Variants in SLC35D1 observed in about 807,000 individuals in gnomAD.
SLC35D1 encodes the protein nucleotide sugar transporter SLC35D1.
SLC35D1 carries 31 observed loss-of-function variants against 46.7 expected under a neutral mutation model. That is an observed-to-expected ratio of 0.66 (90% CI 0.50 to 0.90). The LOEUF is 0.90. Among genes scored for constraint, SLC35D1 ranks in the 40% least tolerant of loss-of-function variants. SLC35D1 has a pLI of 0.00. For synonymous variants in SLC35D1, 195 were observed against 164.6 expected (o/e 1.18, Z -1.41); for missense variants, 397 against 426.2 (o/e 0.93, Z 0.60).
intron 8 of SLC35D1, among the ~76,000 whole-genome samples, chr1:67,030,373 C>T (rs1667993516): frequency 6.6e-6 from 1 of 152,114 alleles, no homozygotes; most frequent in Non-Finnish European, 1.5e-5. Context: ...TCTTTTATCC[C>T]AAAGTCATTA....
chr1:67,031,872 C>T (rs781324650), intron 8 of SLC35D1, among the ~76,000 whole-genome samples: 6 of 152,020 alleles, frequency 3.9e-5, no homozygotes, highest in African/African-American at 7.2e-5. Context: ...GATTTGCAAG[C>T]GAATTTTTTA....
the SLC35D1 span, among the ~76,000 whole-genome samples, chr1:66,981,217 A>G: frequency 2.0e-5 from 3 of 152,304 alleles, no homozygotes; most frequent in Admixed American, 1.3e-4. Flanking sequence ...TAGAGAAGAA[A>G]TGAGCTCACA....
chr1:67,021,237 T>C (rs560822128), intron 9 of SLC35D1, among the ~76,000 whole-genome samples: 1 of 152,358 alleles, frequency 6.6e-6, no homozygotes, highest in Non-Finnish European at 1.5e-5. Flanking sequence ...ACTAAAGTTC[T>C]ATCTGTCAAA....
At chr1:67,008,933 T>C (rs1015515839) in intron 11 of SLC35D1, 152 bp downstream of exon 11, 1 of 479,434 alleles carries the variant, frequency 2.1e-6, no homozygotes, top group South Asian at 2.4e-5. Flanking sequence ...AAAAGCATTA[T>C]GTAGAGACAT....
downstream of SLC35D1, among the ~76,000 whole-genome samples, chr1:66,994,631 G>A (rs376189776): frequency 2.0e-5 from 3 of 148,482 alleles, no homozygotes; most frequent in Admixed American, 6.7e-5. Flanking sequence ...GCGACAGAGC[G>A]AGACTCTGTC....
At chr1:67,004,516 T>G in intron 11 of SLC35D1, 68 bp from the exon 12 acceptor site, 2 of 1,371,696 alleles carry the variant, frequency 1.5e-6, no homozygotes, top group Admixed American at 3.5e-5. Context: ...CTCTACTCAG[T>G]AAAAAAACTT....
intron 10 of SLC35D1, among the ~76,000 whole-genome samples, chr1:67,018,643 G>C (rs1195867022): frequency 6.6e-6 from 1 of 152,122 alleles, no homozygotes; most frequent in Non-Finnish European, 1.5e-5. Context: ...GTAGGCCTTG[G>C]AATTTCTACT....
At chr1:67,050,716 CATTAA>C (rs1047294099) in intron 4 of SLC35D1, among the ~76,000 whole-genome samples, 3 of 152,104 alleles carry the variant, frequency 2.0e-5, no homozygotes, top group African/African-American at 4.8e-5. Context: ...AAGTGAGAAA[CATTAA>C]ATTAACTACA....
At chr1:66,984,840 A>C in the SLC35D1 span, 17 of 1,609,598 alleles carry the variant, frequency 1.1e-5, no homozygotes, top group Non-Finnish European at 1.3e-5. Flanking sequence ...GTTCTTCTGA[A>C]TTTTTCCAAG....
chr1:67,009,078 T>C lies in SLC35D1; in HGVS notation c.959+7A>G. On this transcript the variant is annotated splice_region_variant and intron_variant, in intron 11 of 11. Transcript: ENST00000235345. ...ATTTTGCAATTTAATTAAATATTTTTACTTACCTGATATTTAAACCAATGA... is the reference window on the plus strand; with the variant it reads ...ATTTTGCAATTTAATTAAATATTTTCACTTACCTGATATTTAAACCAATGA... The C allele has an allele frequency of 7.3e-7, 1 of 1,365,136 alleles. No homozygotes were observed. The highest frequency in any genetic ancestry group is 1.0e-6 in the Non-Finnish European group (1 of 957,446). 84.6% of individuals were successfully genotyped at this position (1,365,136 alleles called of 1,614,324 possible).
chr1:66,976,823 A>G, the SLC35D1 span: 1,731 of 1,037,524 alleles, frequency 1.7e-3, 6 homozygotes, highest in Non-Finnish European at 1.4e-3. Flanking sequence ...GCTTTTATAT[A>G]CTTGATCTTA....
At chr1:67,030,423 C>A (rs1452983323) in intron 8 of SLC35D1, among the ~76,000 whole-genome samples, 1 of 152,114 alleles carries the variant, frequency 6.6e-6, no homozygotes, top group Admixed American at 6.6e-5. Flanking sequence ...AATGATAATT[C>A]TCTGAACCTT....
the SLC35D1 span, among the ~76,000 whole-genome samples, chr1:66,991,404 A>G: frequency 6.6e-6 from 1 of 152,226 alleles, no homozygotes; most frequent in Non-Finnish European, 1.5e-5. Flanking sequence ...TGGGTTCCAC[A>G]GAGAGTCACA....
the SLC35D1 span, chr1:66,976,604 A>G: frequency 6.3e-7 from 1 of 1,590,940 alleles, no homozygotes; most frequent in Non-Finnish European, 8.5e-7. Context: ...GGTCCGAACA[A>G]GGTCAGTTGG....
At position 67,026,130 on chromosome 1, in the gene SLC35D1, A is replaced by C. The variant is rs199741515; in HGVS notation, c.730-4528T>G. ...GTATTCAGTCTTTCTTTCACCATTA[A>C]ATATGTCAGCAATAGATTCTTTGGT... On this transcript the variant is annotated intron_variant, in intron 8 of 11. Transcript: ENST00000235345. Among the ~76,000 whole-genome samples the C allele has an allele frequency of 5.3e-5, 8 of 152,124 alleles. No homozygotes were observed. In the East Asian group the frequency reaches 1.5e-3, roughly 29 times the overall value.
the SLC35D1 span, chr1:66,984,564 C>T: frequency 6.5e-7 from 1 of 1,544,430 alleles, no homozygotes; most frequent in South Asian, 1.2e-5. Context: ...ATATTTCTTT[C>T]AACTTAGGAG....
rs1222901922 is a variant in SLC35D1 at position 67,002,126 on chromosome 1, G to T, written c.*2214C>A. 1 of 152,338 alleles carries T rather than the reference G, an allele frequency of 6.6e-6. No homozygotes were observed. Among genetic ancestry groups the T allele is most frequent in the East Asian group, 1.9e-4 (1 of 5,340 alleles). 9.4% of individuals were successfully genotyped at this position (152,338 alleles called of 1,614,324 possible). On this transcript the variant is annotated 3_prime_UTR_variant, in exon 12 of 12. Transcript: ENST00000235345. Reference sequence around the variant, plus strand: ...ACGTCCCTCCTTCATGTTGCTGACAGAAAGAACAGAATCACTAAAAATAGC... The same window carrying T: ...ACGTCCCTCCTTCATGTTGCTGACATAAAGAACAGAATCACTAAAAATAGC...
chr1:67,020,232 C>T (rs541163227), intron 10 of SLC35D1, 137 bp downstream of exon 10: 1 of 669,300 alleles, frequency 1.5e-6, no homozygotes, highest in African/African-American at 1.8e-5. Flanking sequence ...CAGAAACTAT[C>T]ACCACAATTT....
rs1056928065 is a variant in SLC35D1, at chr1:67,020,586, A to T, written c.798-139T>A. ...AATTTTCCCCACCTCACTGCTTCTTATACTGCAGCTTCAGAATTTTTAAAA... is the reference window on the plus strand; with the variant it reads ...AATTTTCCCCACCTCACTGCTTCTTTTACTGCAGCTTCAGAATTTTTAAAA... On this transcript the variant is annotated intron_variant, in intron 9 of 11. Transcript: ENST00000235345. 2.1e-5 allele frequency: 14 copies of T among 670,732 alleles called. No homozygotes were observed. The East Asian group carries it at 3.8e-4, about 18-fold the overall frequency. 41.5% of individuals were successfully genotyped at this position (670,732 alleles called of 1,614,324 possible). A position where few individuals can be genotyped will look rare whatever the true frequency, so the allele number is the denominator to read the frequency against.
Sources: gnomAD v4.1 joint callset for allele counts (sites outside exome capture counted in the v4.1 genomes callset) on GRCh38, gnomAD v4.1.1 for gene constraint, MANE v1.5 for transcripts, NCBI Gene and HGNC (gene_info 2026-07-23, HGNC 2026-07-21) for gene names.